TSC22D1: variants seen among roughly 807,000 people sequenced by gnomAD.
TSC22D1 encodes the protein TSC22 domain family member 1, also known as TSC22 domain family protein 1.
TSC22D1 carries 9 observed loss-of-function variants against 74.2 expected under a neutral mutation model. The observed-to-expected ratio is 0.12, with a 90% confidence interval of 0.07 to 0.21. The LOEUF is 0.21. Among genes scored for constraint, TSC22D1 ranks in the 10% least tolerant of loss-of-function variants. TSC22D1 has a pLI of 1.00. For missense variants in TSC22D1, 1,427 were observed against 1,304.7 expected, an observed-to-expected ratio of 1.09 and a Z score of -1.44; for synonymous variants, 586 against 492.5, an observed-to-expected ratio of 1.19 and a Z score of -2.51.
At chr13:44,517,290 CAGAG>C (rs754810508) in intron 1 of TSC22D1, among the ~76,000 whole-genome samples, 21 of 151,596 alleles carry the variant, frequency 1.4e-4, no homozygotes, top group South Asian at 8.3e-4. Flanking sequence ...ACTTCTAAAA[CAGAG>C]AGCAATAGTA....
intron 1 of TSC22D1, among the ~76,000 whole-genome samples, chr13:44,446,163 CAAT>C (rs912225377): frequency 3.7e-4 from 56 of 152,228 alleles, no homozygotes; most frequent in African/African-American, 1.3e-3. Flanking sequence ...CTAGACAATG[CAAT>C]AATACTCAGC....
At chr13:44,442,421 G>A (rs1013493888) in intron 1 of TSC22D1, among the ~76,000 whole-genome samples, 1 of 152,146 alleles carries the variant, frequency 6.6e-6, no homozygotes, top group Non-Finnish European at 1.5e-5. Flanking sequence ...CAAGAAAGTA[G>A]AGGAAAACAT....
chr13:44,556,269 T>C (rs1193790918), intron 1 of TSC22D1, among the ~76,000 whole-genome samples: 1 of 150,604 alleles, frequency 6.6e-6, no homozygotes, highest in Non-Finnish European at 1.5e-5. Context: ...CTTGGGGCCG[T>C]GCACGGTGAC....
intron 1 of TSC22D1, among the ~76,000 whole-genome samples, chr13:44,455,057 G>A (rs1876468352): frequency 6.6e-6 from 1 of 152,062 alleles, no homozygotes; most frequent in African/African-American, 2.4e-5. Context: ...ACATTCAACT[G>A]GGGCTGAAAA....
intron 2 of TSC22D1, 146 bp from the exon 3 acceptor site, chr13:44,435,029 G>A: frequency 1.4e-6 from 1 of 692,846 alleles, no homozygotes; most frequent in East Asian, 2.5e-5. Flanking sequence ...GGGGAAATCT[G>A]AATACAAACA....
At chr13:44,566,409 A>C (rs979113165) in intron 1 of TSC22D1, among the ~76,000 whole-genome samples, 1 of 152,238 alleles carries the variant, frequency 6.6e-6, no homozygotes, top group African/African-American at 2.4e-5. Flanking sequence ...TATGGTAGAC[A>C]TTAACTGAAT....
Position 44,575,053 on chromosome 13 carries a change from C to T in TSC22D1, c.1022G>A (p.Ser341Asn), listed in dbSNP as rs780757240. ...CACACCAGCAGCACTAGGAATATTG[C>T]TTGTACTTATATTAACATTACCAAG... The part of the protein sequence containing the change: ...SMLGNVNIST[S>N]NIPSAAGVSV... Residue 341 changes from serine to asparagine, a missense_variant, in exon 1 of 3, where the codon AGC becomes AAC. By Grantham distance (46) the Ser-to-Asn change is conservative. This residue lies in a region of TSC22D1 where 1,343 missense variants were observed against 1,191.5 expected (regional missense o/e 1.13). Coordinates refer to ENST00000458659, the MANE Select transcript of TSC22D1 (RefSeq NM_183422.4). 6.2e-7 allele frequency: 1 copy of T among 1,614,098 alleles called. No individual in the cohort carries two copies. Among genetic ancestry groups the T allele is most frequent in the East Asian group, 2.2e-5 (1 of 44,890 alleles).
chr13:44,444,796 T>A (rs889574210), intron 1 of TSC22D1, among the ~76,000 whole-genome samples: 1 of 152,154 alleles, frequency 6.6e-6, no homozygotes, highest in Non-Finnish European at 1.5e-5. Flanking sequence ...TTTATTTCAA[T>A]AAATTTAACA....
chr13:44,488,400 TTAAA>T (rs1453590767), intron 1 of TSC22D1, among the ~76,000 whole-genome samples: 1 of 152,200 alleles, frequency 6.6e-6, no homozygotes, highest in Non-Finnish European at 1.5e-5. Context: ...CAATTTTGAG[TTAAA>T]TAAAATAAAG....
At chr13:44,561,419 C>G (rs1883032134) in intron 1 of TSC22D1, among the ~76,000 whole-genome samples, 1 of 152,190 alleles carries the variant, frequency 6.6e-6, no homozygotes, top group East Asian at 1.9e-4. Context: ...AAAGAGCCCT[C>G]CATTCCATGT....
intron 1 of TSC22D1, among the ~76,000 whole-genome samples, chr13:44,559,158 A>C (rs1882873590): frequency 6.6e-6 from 1 of 152,316 alleles, no homozygotes; most frequent in South Asian, 2.1e-4. Flanking sequence ...ACTCTCAAAG[A>C]AAAGTTTAGG....
intron 1 of TSC22D1, among the ~76,000 whole-genome samples, chr13:44,570,762 G>A (rs1306826631): frequency 6.6e-6 from 1 of 152,120 alleles, no homozygotes; most frequent in East Asian, 1.9e-4. Flanking sequence ...TCTCTCCTGA[G>A]ACTAATGGTG....
At chr13:44,437,105 T>C (rs1300313899) in intron 1 of TSC22D1, 2 of 981,006 alleles carry the variant, frequency 2.0e-6, no homozygotes, top group African/African-American at 3.5e-5. Context: ...CTCAAAACAC[T>C]GGGCCATTGC....
At chr13:44,495,542 C>T (rs567914188) in intron 1 of TSC22D1, among the ~76,000 whole-genome samples, 37 of 152,214 alleles carry the variant, frequency 2.4e-4, no homozygotes, top group African/African-American at 8.4e-4. Flanking sequence ...TCTTAATTTG[C>T]AACTCTTCTT....
chr13:44,474,615 T>C (rs928161058), intron 1 of TSC22D1, among the ~76,000 whole-genome samples: 1 of 151,566 alleles, frequency 6.6e-6, no homozygotes, highest in African/African-American at 2.4e-5. Flanking sequence ...GACACACTTA[T>C]GTCAGAGGTG....
intron 1 of TSC22D1, among the ~76,000 whole-genome samples, chr13:44,553,515 C>T (rs951360743): frequency 1.3e-5 from 2 of 152,148 alleles, no homozygotes; most frequent in Admixed American, 6.5e-5. Context: ...AGATAGTTTT[C>T]GGGCCCATAT....
intron 1 of TSC22D1, chr13:44,536,926 G>GA (rs10596156): frequency 2.1e-4 from 105 of 495,082 alleles, no homozygotes; most frequent in Middle Eastern, 1.2e-3. Context: ...GTATTTTTCT[G>GA]AAAAAAAAAA....
intron 1 of TSC22D1, among the ~76,000 whole-genome samples, chr13:44,457,205 A>C (rs1169338843): frequency 2.6e-5 from 4 of 152,244 alleles, no homozygotes; most frequent in Non-Finnish European, 5.9e-5. Context: ...ACCTAGGAAA[A>C]CGCAAACAGC....
intron 1 of TSC22D1, among the ~76,000 whole-genome samples, chr13:44,452,983 C>G (rs1876270488): frequency 6.6e-6 from 1 of 152,122 alleles, no homozygotes. Context: ...GTTTTTCCTC[C>G]CATGTTTCAC....
Sources: gnomAD v4.1 joint callset for allele counts (sites outside exome capture counted in the v4.1 genomes callset) on GRCh38, gnomAD v4.1.1 for gene constraint, gnomAD v4.1.1 regional missense constraint, MANE v1.5 for transcripts, NCBI Gene and HGNC (gene_info 2026-07-23, HGNC 2026-07-21) for gene names.